Variants in GLI3 observed in about 807,000 individuals in gnomAD.
The protein encoded by GLI3 is GLI family zinc finger 3.
In GLI3, 20 loss-of-function variants were observed where a neutral mutation model predicts 100.8. The ratio of observed to expected loss-of-function variants is 0.20; its 90% CI spans 0.14 to 0.29. The LOEUF is 0.29. Ranked by LOEUF, GLI3 falls within the 10% of genes least tolerant of loss-of-function variation. The pLI is 1.00. For synonymous variants in GLI3, 938 were observed against 860.5 expected (o/e 1.09, Z -1.58); for missense variants, 2,040 against 2,128.5 (o/e 0.96, Z 0.82).
rs924509482 is a variant in GLI3 at position 41,994,087 on chromosome 7, T to C, written c.1498-15339A>G. The stretch of plus-strand genomic sequence containing the variant: ...ATGGTAACCCTAACTTTCAATGTTA[T>C]GTCCCACTGGCTGTAGAAAAAAATA... On this transcript the variant is annotated intron_variant, in intron 10 of 14. Transcript: ENST00000395925. 1.8e-4 allele frequency among the ~76,000 whole-genome samples: 27 copies of C among 152,242 alleles called. 1 individual carries two copies. Among genetic ancestry groups the C allele is most frequent in the Non-Finnish European group, 5.9e-5 (4 of 68,038 alleles).
At chr7:42,052,523 T>C (rs770721929) in intron 4 of GLI3, among the ~76,000 whole-genome samples, 1 of 152,210 alleles carries the variant, frequency 6.6e-6, no homozygotes, top group African/African-American at 2.4e-5. Context: ...TCAGTTTCCT[T>C]ATACACAAAA....
chr7:42,078,975 C>T (rs1177770845), intron 3 of GLI3, among the ~76,000 whole-genome samples: 2 of 152,048 alleles, frequency 1.3e-5, no homozygotes, highest in African/African-American at 2.4e-5. Flanking sequence ...GTGATCTGCC[C>T]GCCTCGGCCT....
rs182571462 is a variant in GLI3 at position 41,965,180 on chromosome 7, G to A, written c.3893C>T (p.Pro1298Leu). 2.9e-5 allele frequency: 46 copies of A among 1,613,864 alleles called. No homozygotes were observed. In the African/African-American group the frequency reaches 4.1e-4, roughly 14 times the overall value. Residue 1298 changes from proline to leucine, a missense_variant, in exon 15 of 15, where the codon CCG becomes CTG. Physicochemically the swap from Pro to Leu is moderately conservative, Grantham distance 98. Around this residue, in one of 5 missense-constraint regions of GLI3, gnomAD observed 1,041 missense variants for 924.0 expected, o/e 1.13. Coordinates refer to ENST00000395925, the MANE Select transcript of GLI3 (RefSeq NM_000168.6). ...GCCAGCTGACTCATTTGGCGCTACC[G>A]GCAGGCCGAAATTCAGCTGGCCCCC... ...GSGGQLNFGL[P>L]VAPNESAGSM...
Position 41,965,697 on chromosome 7 carries a change from G to C in GLI3, c.3376C>G (p.Pro1126Ala). 6.2e-7 allele frequency: 1 copy of C among 1,613,700 alleles called. No homozygotes were observed. The highest frequency in any genetic ancestry group is 8.5e-7 in the Non-Finnish European group (1 of 1,179,858). ...AGCCCGGGCGCGTCAAAGTCACCGG[G>C]CCCGTGGGGCACTTTGCTGTCGTCC... ...LPDDSKVPHG[P>A]GDFDAPGLPD... Residue 1126 changes from proline to alanine, a missense_variant, in exon 15 of 15, where the codon CCC (proline) becomes GCC (alanine). Transcript: ENST00000395925.
chr7:42,236,910 G>T (rs1333821578), intron 1 of GLI3, 61 bp downstream of exon 1: 1 of 152,168 alleles, frequency 6.6e-6, no homozygotes, highest in Non-Finnish European at 1.5e-5. Context: ...CGGAGGCGCG[G>T]GCGCGGCCGC....
upstream of GLI3, among the ~76,000 whole-genome samples, chr7:42,240,213 C>G (rs13238694): frequency 6.6e-6 from 1 of 152,310 alleles, no homozygotes; most frequent in South Asian, 2.1e-4. Context: ...ATTGCCATCT[C>G]TCATCAGTTC....
intron 10 of GLI3, among the ~76,000 whole-genome samples, chr7:42,007,290 C>A (rs1157217058): frequency 1.4e-5 from 2 of 146,752 alleles, no homozygotes; most frequent in Non-Finnish European, 3.0e-5. Flanking sequence ...ACGCAACAGA[C>A]AGAATGAGAA....
chr7:42,100,014 T>C (rs1785425084), intron 3 of GLI3, among the ~76,000 whole-genome samples: 1 of 152,262 alleles, frequency 6.6e-6, no homozygotes. Context: ...AGCTGCTCAT[T>C]GGATAATGTG....
chr7:42,097,168 A>T (rs555746240), intron 3 of GLI3, among the ~76,000 whole-genome samples: 3 of 152,354 alleles, frequency 2.0e-5, no homozygotes, highest in East Asian at 3.9e-4. Flanking sequence ...GAAACAGAGA[A>T]TTCACTGGCA....
At chr7:42,043,798 G>A (rs1007946479) in intron 6 of GLI3, among the ~76,000 whole-genome samples, 8 of 152,206 alleles carry the variant, frequency 5.3e-5, no homozygotes, top group African/African-American at 4.8e-5. Context: ...AAAGTAATGC[G>A]GGCTGACCTT....
At chr7:42,047,051 G>A (rs962377912) in intron 5 of GLI3, among the ~76,000 whole-genome samples, 1 of 152,148 alleles carries the variant, frequency 6.6e-6, no homozygotes, top group Admixed American at 6.5e-5. Context: ...AGCTACTTAG[G>A]GGGCTGAGAC....
At chr7:42,019,649 C>T (rs896336322) in intron 10 of GLI3, among the ~76,000 whole-genome samples, 2 of 151,436 alleles carry the variant, frequency 1.3e-5, no homozygotes, top group South Asian at 2.1e-4. Flanking sequence ...TAATATAATG[C>T]TCAACAAAAA....
At chr7:42,228,267 G>T (rs1385340776) in intron 1 of GLI3, among the ~76,000 whole-genome samples, 1 of 152,186 alleles carries the variant, frequency 6.6e-6, no homozygotes. Context: ...ACGGCTCTGG[G>T]TGTCTGGGGG....
intron 10 of GLI3, among the ~76,000 whole-genome samples, chr7:41,979,708 C>T (rs1459702072): frequency 6.6e-6 from 1 of 152,126 alleles, no homozygotes; most frequent in Non-Finnish European, 1.5e-5. Context: ...TGCTGTTGGT[C>T]TTTATTTTCT....
At chr7:42,101,464 G>A (rs929971974) in intron 3 of GLI3, among the ~76,000 whole-genome samples, 3 of 151,950 alleles carry the variant, frequency 2.0e-5, no homozygotes, top group Admixed American at 2.0e-4. Flanking sequence ...AAATTAGCCA[G>A]GTATGGTGGC....
Position 41,965,127 on chromosome 7 carries a change from C to G in GLI3, c.3946G>C (p.Asp1316His). 1 of 1,613,866 alleles carries G rather than the reference C, an allele frequency of 6.2e-7. No homozygotes were observed. Among genetic ancestry groups the G allele is most frequent in the South Asian group, 1.1e-5 (1 of 91,090 alleles). ...GCCAGGTACCCCTGTCCCACTGGGT[C>G]CTGGTTCTGCATGCCATTCACCATG... ...GSMVNGMQNQ[D>H]PVGQGYLAHQ... Residue 1316 changes from aspartate to histidine, a missense_variant, in exon 15 of 15, where the codon GAC becomes CAC. This residue lies in a region of GLI3 where 1,041 missense variants were observed against 924.0 expected (regional missense o/e 1.13). Transcript: ENST00000395925.
chr7:41,980,758 A>G lies in GLI3; in HGVS notation c.1498-2010T>C, dbSNP rs184996304. ...GAGCCAACTGCTTAAGGTTGGATCC[A>G]TGTCTTATTAGTTCCCTGTTCTCTC... On this transcript the variant is annotated intron_variant, in intron 10 of 14. Transcript: ENST00000395925. 2.3e-3 allele frequency among the ~76,000 whole-genome samples: 351 copies of G among 152,322 alleles called. 2 individuals carry two copies. Among genetic ancestry groups the G allele is most frequent in the Middle Eastern group, 0.01 (3 of 294 alleles).
intron 10 of GLI3, among the ~76,000 whole-genome samples, chr7:42,005,723 T>G (rs1788442604): frequency 6.6e-6 from 1 of 152,196 alleles, no homozygotes; most frequent in Admixed American, 6.5e-5. Context: ...GGGAAGCGTA[T>G]GAAGACAAAG....
chr7:42,055,354 C>T lies in GLI3; in HGVS notation c.474-6658G>A, dbSNP rs1784438114. On this transcript the variant is annotated intron_variant, in intron 4 of 14. Transcript: ENST00000395925. ...ATCTGCTCTTCCTCCTCCCCAAGGCCACAGCCTGTGTGGGGAGTCTCGTCT... is the reference window on the plus strand; with the variant it reads ...ATCTGCTCTTCCTCCTCCCCAAGGCTACAGCCTGTGTGGGGAGTCTCGTCT... Among the ~76,000 whole-genome samples the T allele has an allele frequency of 2.6e-5, 4 of 152,182 alleles. No homozygotes were observed. In the South Asian group the frequency reaches 8.3e-4, roughly 32 times the overall value.
Sources: allele counts gnomAD v4.1 joint callset (sites outside exome capture counted in the v4.1 genomes callset), GRCh38; gene constraint gnomAD v4.1.1; regional missense constraint gnomAD v4.1.1; transcripts MANE v1.5; gene names NCBI Gene and HGNC (gene_info 2026-07-23, HGNC 2026-07-21).